ABCC5: variants seen among roughly 807,000 people sequenced by gnomAD.
The protein encoded by ABCC5 is ATP-binding cassette sub-family C member 5.
ABCC5 carries 61 observed loss-of-function variants against 160.9 expected under a neutral mutation model. That is an observed-to-expected ratio of 0.38 (90% CI 0.31 to 0.47). The LOEUF (loss-of-function observed/expected upper bound fraction) is 0.47. Ranked by LOEUF, ABCC5 falls within the 20% of genes least tolerant of loss-of-function variation. ABCC5 has a pLI of 0.99. For synonymous variants in ABCC5, 666 were observed against 700.6 expected (o/e 0.95, Z 0.78); for missense variants, 1,308 against 1,813.3 (o/e 0.72, Z 5.06).
chr3:183,924,060 G>A (rs1712283479), intron 29 of ABCC5, among the ~76,000 whole-genome samples: 1 of 137,308 alleles, frequency 7.3e-6, no homozygotes, highest in Non-Finnish European at 1.5e-5. Context: ...CTGTCACCCA[G>A]GCTGGAGTGC....
intron 25 of ABCC5, among the ~76,000 whole-genome samples, chr3:183,939,672 A>G (rs1170296745): frequency 1.3e-5 from 2 of 152,188 alleles, no homozygotes; most frequent in Non-Finnish European, 2.9e-5. Flanking sequence ...TAGAACTGAA[A>G]TTACTGTGTC....
At chr3:183,976,403 C>T (rs571189735) in intron 10 of ABCC5, among the ~76,000 whole-genome samples, 89 of 152,014 alleles carry the variant, frequency 5.9e-4, no homozygotes, top group Non-Finnish European at 1.1e-3. Flanking sequence ...TGTGGGCGCA[C>T]ACCACTGCAC....
At chr3:184,011,929 C>T (rs975091605) in intron 2 of ABCC5, among the ~76,000 whole-genome samples, 8 of 151,476 alleles carry the variant, frequency 5.3e-5, no homozygotes, top group South Asian at 2.1e-4. Flanking sequence ...AAAAGGGTAA[C>T]GAGAGATCCT....
chr3:183,950,237 G>T, intron 20 of ABCC5, 112 bp from the exon 21 acceptor site: 1 of 1,270,190 alleles, frequency 7.9e-7, no homozygotes, highest in Non-Finnish European at 1.1e-6. Flanking sequence ...TTGTGATGTT[G>T]TCTTTAAACA....
chr3:184,010,798 C>CTTTTT (rs55882083), intron 2 of ABCC5, among the ~76,000 whole-genome samples: 17 of 136,612 alleles, frequency 1.2e-4, no homozygotes, highest in East Asian at 6.5e-4. Context: ...CATTCTTCTT[C>CTTTTT]TTTTTTTTTT....
Position 183,953,193 on chromosome 3 carries a change from C to T in ABCC5, c.2560G>A (p.Gly854Arg). Reference sequence around the variant, plus strand: ...ATAACCAGGAATGCCAAGGGGCCCCCAGCAGCCTGGATGTAGACACCATAT... The same window carrying T: ...ATAACCAGGAATGCCAAGGGGCCCCTAGCAGCCTGGATGTAGACACCATAT... ...SVYGVYIQAA[G>R]GPLAFLVIMA... Residue 854 changes from glycine (G) to arginine (R), a missense_variant, in exon 18 of 30, where the codon GGG becomes AGG. Physicochemically the swap from Gly to Arg is moderately radical, Grantham distance 125 (BLOSUM62 -2). Transcript: ENST00000334444. The T allele has an allele frequency of 1.2e-6, 2 of 1,614,160 alleles. No homozygotes were observed. Among genetic ancestry groups the T allele is most frequent in the East Asian group, 2.2e-5 (1 of 44,876 alleles).
In ABCC5 at chr3:184,011,018, G is replaced by A. The variant is rs77038589; in HGVS notation, c.129+3246C>T. Among the ~76,000 whole-genome samples the A allele has an allele frequency of 5.3e-5, 8 of 151,916 alleles. No individual in the cohort carries two copies. In the East Asian group the frequency reaches 9.7e-4, roughly 18 times the overall value. On this transcript the variant is annotated intron_variant, in intron 2 of 29. Transcript: ENST00000334444. Reference sequence around the variant, plus strand: ...CGGCCTCCCAAAGTGCTAGGATTACGGGCGTGAGCCACCGTGCCCGGCCCA... The same window carrying A: ...CGGCCTCCCAAAGTGCTAGGATTACAGGCGTGAGCCACCGTGCCCGGCCCA...
rs3031485 is a variant in ABCC5, at chr3:184,012,014, A to AACACACACACACACAC, written c.129+2234_129+2249dup. ...CACCTTTAAAAAATGCATAGAACAC[A>AACACACACACACACAC]ACACACACACACACACACACACACA... On this transcript the variant is annotated intron_variant, in intron 2 of 29. Transcript: ENST00000334444. Among the ~76,000 whole-genome samples the AACACACACACACACAC allele has an allele frequency of 1.8e-3, 261 of 145,484 alleles. 1 individual carries two copies. Among genetic ancestry groups the AACACACACACACACAC allele is most frequent in the Middle Eastern group, 0.017 (5 of 288 alleles).
At chr3:183,956,652 ACATGCAGATCCGTGTGTATATCATATAG>A (rs1716029776) in intron 17 of ABCC5, among the ~76,000 whole-genome samples, 5 of 140,394 alleles carry the variant, frequency 3.6e-5, no homozygotes, top group Non-Finnish European at 4.6e-5. Context: ...CACATCGGTT[ACATGCAGATCCGTGTGTATATCATATAG>A]GTTACATGCA....
intron 29 of ABCC5, among the ~76,000 whole-genome samples, chr3:183,924,384 T>C (rs914275554): frequency 2.6e-5 from 4 of 152,126 alleles, no homozygotes; most frequent in East Asian, 3.9e-4. Context: ...GAATCCAGGC[T>C]ATGTCTTTCT....
chr3:183,945,079 C>A (rs768930625), intron 24 of ABCC5, among the ~76,000 whole-genome samples: 1 of 152,178 alleles, frequency 6.6e-6, no homozygotes, highest in Non-Finnish European at 1.5e-5. Context: ...TCCCCTTCAC[C>A]TTTCGCTATG....
At position 183,956,434 on chromosome 3, in the gene ABCC5, A is replaced by G. The variant is rs372719837; in HGVS notation, c.2483-3164T>C. ...TGTGTATATCATATCGGTTACATGC[A>G]GATCCGTGTGTAAATCACATCGGTT... On this transcript the variant is annotated intron_variant, in intron 17 of 29. Transcript: ENST00000334444. 3.6e-3 allele frequency among the ~76,000 whole-genome samples: 534 copies of G among 150,110 alleles called. 1 individual carries two copies. The highest frequency in any genetic ancestry group is 0.026 in the East Asian group (130 of 5,046).
Position 183,965,426 on chromosome 3 carries a change from C to G in ABCC5, c.1909G>C (p.Ala637Pro). Reference sequence around the variant, plus strand: ...AACAGGATGTTGTCTCTCAGAGTAGCATTGAGGATCCAGGCCTGCTGGGCC... The same window carrying G: ...AACAGGATGTTGTCTCTCAGAGTAGGATTGAGGATCCAGGCCTGCTGGGCC... ...YVAQQAWILN[A>P]TLRDNILFGK... is the part of the protein sequence containing the mutation. The change falls in exon 13 of 30, where the codon GCT becomes CCT. Residue 637 changes from alanine to proline, a missense_variant. Transcript: ENST00000334444. 1 of 1,613,930 alleles carries G rather than the reference C, an allele frequency of 6.2e-7. No individual in the cohort carries two copies. The highest frequency in any genetic ancestry group is 8.5e-7 in the Non-Finnish European group (1 of 1,180,038).
In ABCC5 at chr3:183,982,442, C is replaced by T. The variant is rs1346271859; in HGVS notation, c.999+9G>A. On this transcript the variant is annotated intron_variant, in intron 7 of 29. Coordinates refer to ENST00000334444, the MANE Select transcript of ABCC5 (RefSeq NM_005688.4). The surrounding 1 kb of genome is among the most constrained non-coding windows in gnomAD (Gnocchi z 5.2). ...AAGCTGCCAGGATTCAGCTGGGAGG[C>T]TTACTCACCATTGCTGGGTAAAAGA... is the stretch of plus-strand genomic sequence containing the variant. 1 of 1,612,154 alleles carries T rather than the reference C, an allele frequency of 6.2e-7. No homozygotes were observed. Among genetic ancestry groups the T allele is most frequent in the South Asian group, 1.1e-5 (1 of 90,828 alleles).
intron 26 of ABCC5, among the ~76,000 whole-genome samples, chr3:183,931,105 A>T (rs758161413): frequency 2.6e-5 from 4 of 152,252 alleles, no homozygotes; most frequent in African/African-American, 9.6e-5. Flanking sequence ...TCAAGCAATT[A>T]TAACAATATG....
chr3:183,974,033 G>A (rs980763682), intron 10 of ABCC5, among the ~76,000 whole-genome samples: 4 of 152,162 alleles, frequency 2.6e-5, no homozygotes, highest in Admixed American at 6.5e-5. Context: ...CTGCCCTGAC[G>A]TGCTAAGAGG....
chr3:183,952,862 C>T (rs1715509430), intron 18 of ABCC5, among the ~76,000 whole-genome samples: 1 of 152,158 alleles, frequency 6.6e-6, no homozygotes, highest in African/African-American at 2.4e-5. Context: ...GAACAGATAG[C>T]CTGCAGGTGT....
chr3:183,968,600 G>A (rs1299082220), intron 11 of ABCC5, among the ~76,000 whole-genome samples: 1 of 152,150 alleles, frequency 6.6e-6, no homozygotes, highest in Non-Finnish European at 1.5e-5. Context: ...CCACAAAAAA[G>A]TAGAACACCA....
chr3:183,987,715 G>C lies in ABCC5; in HGVS notation c.591+55C>G, dbSNP rs778902915. 1 of 1,611,442 alleles carries C rather than the reference G, an allele frequency of 6.2e-7. No homozygotes were observed. The highest frequency in any genetic ancestry group is 2.2e-5 in the East Asian group (1 of 44,720). On this transcript the variant is annotated intron_variant, in intron 5 of 29. Coordinates refer to ENST00000334444, the MANE Select transcript of ABCC5 (RefSeq NM_005688.4). This position sits in a 1 kb window ranked among gnomAD's most constrained non-coding sequence, Gnocchi z 4.2. ...CCTCTGCAACAGAATAAGAGTGTTA[G>C]AGCTGGCCGTGGCCGGGCCCCTGGA...
Sources: gnomAD v4.1 joint callset for allele counts (sites outside exome capture counted in the v4.1 genomes callset) on GRCh38, gnomAD v4.1.1 for gene constraint, Gnocchi (gnomAD v3.1) non-coding constraint, MANE v1.5 for transcripts, NCBI Gene and HGNC (gene_info 2026-07-23, HGNC 2026-07-21) for gene names.